The following LOC128125817 variants were observed in gnomAD, a reference collection of about 807,000 sequenced individuals.
the LOC128125817 span, among the ~76,000 whole-genome samples, chr1:41,586,784 C>T: frequency 6.6e-6 from 1 of 152,120 alleles, no homozygotes; most frequent in Admixed American, 6.5e-5. Context: ...AGCATATCCT[C>T]TAAGTTCACT....
At chr1:41,624,687 G>C in the LOC128125817 span, among the ~76,000 whole-genome samples, 3 of 152,186 alleles carry the variant, frequency 2.0e-5, no homozygotes, top group African/African-American at 7.2e-5. Context: ...GGGGCTTCCT[G>C]TCTGACTTAT....
the LOC128125817 span, among the ~76,000 whole-genome samples, chr1:41,595,521 C>G: frequency 6.6e-6 from 1 of 152,196 alleles, no homozygotes; most frequent in Admixed American, 6.5e-5. Flanking sequence ...CTTGTTTGAG[C>G]TGGGTTTTGA....
chr1:41,618,145 C>T, the LOC128125817 span, among the ~76,000 whole-genome samples: 1 of 152,218 alleles, frequency 6.6e-6, no homozygotes, highest in African/African-American at 2.4e-5. Flanking sequence ...GGACACAATG[C>T]TCAATGAGGG....
chr1:41,600,192 C>A, the LOC128125817 span, among the ~76,000 whole-genome samples: 2 of 152,308 alleles, frequency 1.3e-5, no homozygotes, highest in Admixed American at 1.3e-4. Flanking sequence ...GAATTACCAT[C>A]TAATCCAGCA....
chr1:41,628,810 C>A, the LOC128125817 span: 1 of 1,232,034 alleles, frequency 8.1e-7, no homozygotes, highest in Non-Finnish European at 1.0e-6. Context: ...TGAAAGCCAG[C>A]ATTCATGTCC....
the LOC128125817 span, among the ~76,000 whole-genome samples, chr1:41,618,289 C>T: frequency 6.6e-6 from 1 of 152,226 alleles, no homozygotes; most frequent in Non-Finnish European, 1.5e-5. Flanking sequence ...TTATGCAATG[C>T]CGGGCCAGGA....
the LOC128125817 span, among the ~76,000 whole-genome samples, chr1:41,591,618 C>G: frequency 3.9e-5 from 6 of 151,938 alleles, no homozygotes; most frequent in African/African-American, 1.5e-4. Context: ...TCCATGGAAG[C>G]CACACTAGAT....
chr1:41,611,130 C>G, the LOC128125817 span, among the ~76,000 whole-genome samples: 1 of 152,170 alleles, frequency 6.6e-6, no homozygotes, highest in Admixed American at 6.5e-5. Context: ...CACTCCTGTT[C>G]TAAACAAAGG....
chr1:41,594,595 A>G, the LOC128125817 span, among the ~76,000 whole-genome samples: 1 of 152,136 alleles, frequency 6.6e-6, no homozygotes. Flanking sequence ...ATATTCAGTT[A>G]TTTCATTTGG....
chr1:41,620,133 G>C, the LOC128125817 span, among the ~76,000 whole-genome samples: 4 of 152,260 alleles, frequency 2.6e-5, no homozygotes, highest in South Asian at 8.3e-4. Flanking sequence ...GCACTGAAAC[G>C]ACCCCAGGGA....
chr1:41,596,760 C>T, the LOC128125817 span, among the ~76,000 whole-genome samples: 1 of 152,092 alleles, frequency 6.6e-6, no homozygotes, highest in Non-Finnish European at 1.5e-5. Flanking sequence ...GGATTTGAAC[C>T]CTGAGTGCTG....
chr1:41,627,946 C>A, the LOC128125817 span, among the ~76,000 whole-genome samples: 1 of 150,692 alleles, frequency 6.6e-6, no homozygotes. Flanking sequence ...ATCCCCAGCT[C>A]TCTGGGTGAT....
chr1:41,589,809 T>A, the LOC128125817 span, among the ~76,000 whole-genome samples: 1 of 152,200 alleles, frequency 6.6e-6, no homozygotes, highest in Non-Finnish European at 1.5e-5. Flanking sequence ...GCTTGTAATT[T>A]ACTTACACAC....
At chr1:41,609,904 T>C in the LOC128125817 span, among the ~76,000 whole-genome samples, 1 of 152,272 alleles carries the variant, frequency 6.6e-6, no homozygotes, top group Admixed American at 6.5e-5. Context: ...AGGCATTTTT[T>C]AGACAAGATT....
chr1:41,607,846 C>T, the LOC128125817 span, among the ~76,000 whole-genome samples: 2 of 152,212 alleles, frequency 1.3e-5, no homozygotes, highest in Non-Finnish European at 2.9e-5. Context: ...GTGGCTTCAC[C>T]GTGTGGACAT....
the LOC128125817 span, among the ~76,000 whole-genome samples, chr1:41,627,500 C>G: frequency 6.6e-6 from 1 of 152,148 alleles, no homozygotes; most frequent in Non-Finnish European, 1.5e-5. Context: ...TCAGGAGAAC[C>G]CTGGTCTAGG....
the LOC128125817 span, among the ~76,000 whole-genome samples, chr1:41,624,013 C>T: frequency 7.1e-6 from 1 of 140,798 alleles, no homozygotes; most frequent in Non-Finnish European, 1.6e-5. Context: ...ATTAAAGCAG[C>T]CCCAGGAGCT....
chr1:41,611,165 A>G, the LOC128125817 span, among the ~76,000 whole-genome samples: 1 of 152,218 alleles, frequency 6.6e-6, no homozygotes, highest in Non-Finnish European at 1.5e-5. Flanking sequence ...GGGAATTATG[A>G]GCAAATGAAT....
chr1:41,628,346 C>A, the LOC128125817 span, among the ~76,000 whole-genome samples: 1 of 152,172 alleles, frequency 6.6e-6, no homozygotes, highest in Non-Finnish European at 1.5e-5. Flanking sequence ...CAGCAAGAAC[C>A]ATTATGTAGG....
Sources: allele counts gnomAD v4.1 joint callset (sites outside exome capture counted in the v4.1 genomes callset), GRCh38; gene constraint gnomAD v4.1.1; transcripts MANE v1.5.